Variants in SCPEP1 observed in about 807,000 individuals in gnomAD.
SCPEP1 encodes retinoid-inducible serine carboxypeptidase.
Under a neutral mutation model 63.8 loss-of-function variants are expected in SCPEP1, and 51 were observed. That is an observed-to-expected ratio of 0.80 (90% CI 0.64 to 1.01). The LOEUF (loss-of-function observed/expected upper bound fraction) is 1.01, where lower values mean the gene tolerates loss of function less well. Among genes scored for constraint, SCPEP1 ranks in the 50% least tolerant of loss-of-function variants. SCPEP1 has a pLI of 0.00. For missense variants in SCPEP1, 499 were observed against 554.9 expected, an observed-to-expected ratio of 0.90 and a Z score of 1.01; for synonymous variants, 204 against 207.8, an observed-to-expected ratio of 0.98 and a Z score of 0.16.
At chr17:57,000,824 C>T in intron 10 of SCPEP1, 31 bp from the exon 11 acceptor site, 1 of 1,613,204 alleles carries the variant, frequency 6.2e-7, no homozygotes, top group East Asian at 2.2e-5. Context: ...AGATTCCAAG[C>T]TACTCCCTCT....
At chr17:56,986,144 T>G (rs540095580) in intron 3 of SCPEP1, among the ~76,000 whole-genome samples, 1 of 152,196 alleles carries the variant, frequency 6.6e-6, no homozygotes, top group African/African-American at 2.4e-5. Context: ...GCTGCACCTA[T>G]TGCTATGAAT....
chr17:56,991,266 G>A, intron 6 of SCPEP1, 95 bp downstream of exon 6: 2 of 965,202 alleles, frequency 2.1e-6, no homozygotes, highest in Admixed American at 3.4e-5. Flanking sequence ...GAGCTAAGCA[G>A]GAGAATGTTC....
In SCPEP1 at chr17:57,004,425, G is replaced by A. The variant is rs188802591; in HGVS notation, c.1297-1748G>A. On this transcript the variant is annotated intron_variant, in intron 12 of 12. Transcript: ENST00000262288. ...CAAACAAGGCAGCAGGGCACAGAGGGAGAGGGCATTATTTATGGCTCTCAG... is the reference window on the plus strand; with the variant it reads ...CAAACAAGGCAGCAGGGCACAGAGGAAGAGGGCATTATTTATGGCTCTCAG... Among the ~76,000 whole-genome samples, 452 of 152,276 alleles carry A rather than the reference G, an allele frequency of 3.0e-3. 5 individuals are homozygous for A. The highest frequency in any genetic ancestry group is 0.011 in the African/African-American group (438 of 41,564).
intron 5 of SCPEP1, 60 bp downstream of exon 5, chr17:56,988,350 A>T (rs986714652): frequency 3.1e-6 from 4 of 1,289,466 alleles, no homozygotes; most frequent in Non-Finnish European, 3.4e-6. Context: ...TGTTACTTTT[A>T]TGTACTCACG....
Position 56,978,241 on chromosome 17 carries a change from T to C in SCPEP1, c.76+6T>C. On this transcript the variant is annotated splice_donor_region_variant and intron_variant, in intron 1 of 12. Coordinates refer to ENST00000262288, the MANE Select transcript of SCPEP1 (RefSeq NM_021626.3). ...GCTGCTGGGCCTGAACGCAGGTAGG[T>C]TCAAGCAAGAGGCGCACCAGCTGCC... The C allele has an allele frequency of 6.5e-7, 1 of 1,537,098 alleles. No homozygotes were observed. Among genetic ancestry groups the C allele is most frequent in the Non-Finnish European group, 8.7e-7 (1 of 1,145,950 alleles).
In SCPEP1 at chr17:57,002,005, T is replaced by C; in HGVS notation, c.1133-13T>C. On this transcript the variant is annotated splice_polypyrimidine_tract_variant and intron_variant, in intron 11 of 12. Transcript: ENST00000262288. Reference sequence around the variant, plus strand: ...TGTTAATGCCAGGCCTTTCTCTTTGTCCTTCTCACCAGGTCAGGAGGCCTG... The same window carrying C: ...TGTTAATGCCAGGCCTTTCTCTTTGCCCTTCTCACCAGGTCAGGAGGCCTG... 6.2e-7 allele frequency: 1 copy of C among 1,606,454 alleles called. No individual in the cohort carries two copies. Among genetic ancestry groups the C allele is most frequent in the Non-Finnish European group, 8.5e-7 (1 of 1,178,026 alleles).
rs1910972478 is a variant in SCPEP1 at position 56,978,236 on chromosome 17, G to C, written c.76+1G>C. 4 of 1,543,066 alleles carry C rather than the reference G, an allele frequency of 2.6e-6. No individual in the cohort carries two copies. Among genetic ancestry groups the C allele is most frequent in the Non-Finnish European group, 3.5e-6 (4 of 1,149,618 alleles). ...CCGCTGCTGCTGGGCCTGAACGCAGGTAGGTTCAAGCAAGAGGCGCACCAG... is the reference window on the plus strand; with the variant it reads ...CCGCTGCTGCTGGGCCTGAACGCAGCTAGGTTCAAGCAAGAGGCGCACCAG... On this transcript the variant is annotated splice_donor_variant, in intron 1 of 12. Coordinates refer to ENST00000262288, the MANE Select transcript of SCPEP1 (RefSeq NM_021626.3). LOFTEE classifies it high-confidence loss of function.
chr17:56,983,829 CT>C lies in SCPEP1; in HGVS notation c.226-1535del, dbSNP rs1168727570. On this transcript the variant is annotated intron_variant, in intron 2 of 12. Transcript: ENST00000262288. ...CCCTTTAGCCCTGACTCTATCTTGT[CT>C]TTTTTTTTTTTTTCTTTAGATTTCC... 616 of 139,548 alleles carry C rather than the reference CT, an allele frequency of 4.4e-3. 2 individuals are homozygous for C. Among genetic ancestry groups the C allele is most frequent in the African/African-American group, 0.01 (396 of 38,232 alleles). 8.6% of individuals were successfully genotyped at this position (139,548 alleles called of 1,614,324 possible). A position where few individuals can be genotyped will look rare whatever the true frequency, so the allele number is the denominator to read the frequency against.
chr17:56,988,721 T>C (rs1423472855), intron 5 of SCPEP1, among the ~76,000 whole-genome samples: 6 of 151,838 alleles, frequency 4.0e-5, no homozygotes, highest in Non-Finnish European at 8.8e-5. Context: ...CTTTGGAAAA[T>C]AGAAAACTTG....
At chr17:56,999,407 C>G (rs1288741797) in intron 10 of SCPEP1, among the ~76,000 whole-genome samples, 1 of 152,098 alleles carries the variant, frequency 6.6e-6, no homozygotes. Flanking sequence ...TATAGGGAGG[C>G]CTTGAGCAAG....
At chr17:56,993,464 A>T (rs908063374) in intron 6 of SCPEP1, among the ~76,000 whole-genome samples, 1 of 152,112 alleles carries the variant, frequency 6.6e-6, no homozygotes, top group East Asian at 1.9e-4. Flanking sequence ...TTGTTTTGAG[A>T]TGGAGTTTTG....
intron 12 of SCPEP1, among the ~76,000 whole-genome samples, chr17:57,005,663 A>C (rs1365672371): frequency 3.3e-5 from 5 of 152,272 alleles, no homozygotes; most frequent in South Asian, 2.1e-4. Context: ...CTTATTCTAA[A>C]AATCTGAGGG....
rs531485456 is a variant in SCPEP1, at chr17:57,000,923, G to C, written c.1063G>C (p.Glu355Gln). The C allele has an allele frequency of 6.2e-7, 1 of 1,614,138 alleles. No individual in the cohort carries two copies. Among genetic ancestry groups the C allele is most frequent in the Non-Finnish European group, 8.5e-7 (1 of 1,180,002 alleles). The change falls in exon 11 of 13, where the codon GAG becomes CAG. Residue 355 changes from glutamate (E) to glutamine (Q), a missense_variant. By Grantham distance (29) the Glu-to-Gln change is conservative. Transcript: ENST00000262288. Reference protein sequence around the residue: ...FMKPVISIVDELLEAGINVTV... With the variant: ...FMKPVISIVDQLLEAGINVTV... Reference sequence around the variant, plus strand: ...GAAGCCAGTCATTAGCATTGTGGACGAGTTGCTGGAGGCAGGGATCAACGT... The same window carrying C: ...GAAGCCAGTCATTAGCATTGTGGACCAGTTGCTGGAGGCAGGGATCAACGT...
intron 6 of SCPEP1, 74 bp downstream of exon 6, chr17:56,991,245 TC>T: frequency 8.7e-7 from 1 of 1,146,110 alleles, no homozygotes; most frequent in Middle Eastern, 1.9e-4. Flanking sequence ...GGCTGTGTTG[TC>T]CAGATCAAAG....
In SCPEP1 at chr17:57,002,080, T is replaced by A; in HGVS notation, c.1195T>A (p.Trp399Arg). Residue 399 changes from tryptophan (W) to arginine (R), a missense_variant, in exon 12 of 13, where the codon TGG (tryptophan) becomes AGG (arginine). Trp to Arg is a moderately radical substitution (Grantham distance 101). Coordinates refer to ENST00000262288, the MANE Select transcript of SCPEP1 (RefSeq NM_021626.3). ...PELPKFSQLK[W>R]KALYSDPKSL... ...ACTGCCTAAATTCAGTCAGCTGAAG[T>A]GGAAGGCCCTGTACAGTGACCCTAA... 6.2e-7 allele frequency: 1 copy of A among 1,614,184 alleles called. No individual in the cohort carries two copies. Among genetic ancestry groups the A allele is most frequent in the Non-Finnish European group, 8.5e-7 (1 of 1,180,024 alleles).
In SCPEP1 at chr17:57,000,829, CCCTCTTTCTCCTTCCCCATGTGCAGG is replaced by C. The variant is rs749699626; in HGVS notation, c.995-23_997del. 6.2e-7 allele frequency: 1 copy of C among 1,613,490 alleles called. No homozygotes were observed. Among genetic ancestry groups the C allele is most frequent in the East Asian group, 2.2e-5 (1 of 44,888 alleles). ...CTGTTTTGGCAGATTCCAAGCTACT[CCCTCTTTCTCCTTCCCCATGTGCAGG>C]CCAGGCTACCAACGTCTTTGTGAAC... On this transcript the variant is annotated splice_acceptor_variant and splice_polypyrimidine_tract_variant and coding_sequence_variant and intron_variant, in exon 11 of 13. Coordinates refer to ENST00000262288, the MANE Select transcript of SCPEP1 (RefSeq NM_021626.3). LOFTEE classifies it high-confidence loss of function.
In SCPEP1 at chr17:57,006,354, G is replaced by A; in HGVS notation, c.*119G>A. ...TCTAACTGGGGCTGTGATCAAGAAGGTTCTGACCAGCTTCTGCAGAGGATA... is the reference window on the plus strand; with the variant it reads ...TCTAACTGGGGCTGTGATCAAGAAGATTCTGACCAGCTTCTGCAGAGGATA... On this transcript the variant is annotated 3_prime_UTR_variant, in exon 13 of 13. Coordinates refer to ENST00000262288, the MANE Select transcript of SCPEP1 (RefSeq NM_021626.3). The A allele has an allele frequency of 3.3e-6, 2 of 614,344 alleles. No homozygotes were observed. The highest frequency in any genetic ancestry group is 5.4e-6 in the Non-Finnish European group (2 of 373,290). 38.1% of individuals were successfully genotyped at this position (614,344 alleles called of 1,614,324 possible). A position where few individuals can be genotyped will look rare whatever the true frequency, so the allele number is the denominator to read the frequency against.
At chr17:56,981,013 C>T in intron 1 of SCPEP1, 69 bp from the exon 2 acceptor site, 1 of 1,558,972 alleles carries the variant, frequency 6.4e-7, no homozygotes, top group Non-Finnish European at 8.8e-7. Flanking sequence ...ATGGCTGTCT[C>T]TACCAGGCTT....
At position 57,000,644 on chromosome 17, in the gene SCPEP1, G is replaced by C. The variant is rs530785792; in HGVS notation, c.995-211G>C. On this transcript the variant is annotated intron_variant, in intron 10 of 12. Coordinates refer to ENST00000262288, the MANE Select transcript of SCPEP1 (RefSeq NM_021626.3). The stretch of plus-strand genomic sequence containing the variant: ...AAAATGGTGCCTGCTGTCATCACAA[G>C]CTCTCAAGAGAATGGACCACATGTG... Among the ~76,000 whole-genome samples the C allele has an allele frequency of 1.1e-4, 17 of 152,298 alleles. No individual in the cohort carries two copies. The South Asian group carries it at 3.3e-3, about 30-fold the overall frequency.
Sources: gnomAD v4.1 joint callset for allele counts (sites outside exome capture counted in the v4.1 genomes callset) on GRCh38, gnomAD v4.1.1 for gene constraint, MANE v1.5 for transcripts, NCBI Gene and HGNC (gene_info 2026-07-23, HGNC 2026-07-21) for gene names.